The following SNX29 variants were observed in gnomAD, a reference collection of about 807,000 sequenced individuals.
SNX29 encodes sorting nexin-29.
A neutral mutation model predicts 102.1 loss-of-function variants in SNX29; 78 were observed. The observed-to-expected ratio is 0.76, with a 90% CI of 0.64 to 0.92. The LOEUF is 0.92. Among genes scored for constraint, SNX29 ranks in the 40% least tolerant of loss-of-function variants. SNX29 has a pLI of 0.00. For synonymous variants in SNX29, 580 were observed against 414.5 expected, an observed-to-expected ratio of 1.40 and a Z score of -4.85; for missense variants, 1,280 against 1,061.7, an observed-to-expected ratio of 1.21 and a Z score of -2.86.
chr16:12,549,437 G>A (rs2077821543), intron 20 of SNX29, among the ~76,000 whole-genome samples: 1 of 152,210 alleles, frequency 6.6e-6, no homozygotes, highest in African/African-American at 2.4e-5. Flanking sequence ...GGAGGTTGCA[G>A]TGACCTAAGA....
intron 11 of SNX29, among the ~76,000 whole-genome samples, chr16:12,118,313 C>CTTTCTTTT (rs1286174976): frequency 2.0e-4 from 17 of 86,124 alleles, no homozygotes; most frequent in Non-Finnish European, 2.4e-4. Context: ...TACAGACCAC[C>CTTTCTTTT]TTTTTTTTTT....
intron 19 of SNX29, among the ~76,000 whole-genome samples, chr16:12,522,197 C>G (rs1183643746): frequency 6.6e-6 from 1 of 152,170 alleles, no homozygotes; most frequent in African/African-American, 2.4e-5. Context: ...CTAAGTGTAT[C>G]GCAAATACTG....
chr16:12,465,632 G>A (rs1200866989), intron 18 of SNX29, among the ~76,000 whole-genome samples: 1 of 152,090 alleles, frequency 6.6e-6, no homozygotes, highest in East Asian at 1.9e-4. Context: ...TGAAATCAGG[G>A]ACTGTGATAC....
intron 15 of SNX29, among the ~76,000 whole-genome samples, chr16:12,325,893 G>T (rs566584792): frequency 8.5e-5 from 13 of 152,096 alleles, no homozygotes; most frequent in Admixed American, 4.6e-4. Flanking sequence ...GTTGGGTGTG[G>T]GGGCATGTAC....
At chr16:12,408,593 G>T (rs1211939322) in intron 18 of SNX29, among the ~76,000 whole-genome samples, 3 of 152,186 alleles carry the variant, frequency 2.0e-5, no homozygotes, top group Non-Finnish European at 2.9e-5. Context: ...AGCCAAGGCG[G>T]GTGGATCACC....
At chr16:12,426,404 C>G (rs910559610) in intron 18 of SNX29, among the ~76,000 whole-genome samples, 1 of 152,152 alleles carries the variant, frequency 6.6e-6, no homozygotes, top group South Asian at 2.1e-4. Flanking sequence ...TGACACGTCA[C>G]TCCCTCAAAA....
At chr16:12,282,301 C>G (rs1170479792) in intron 15 of SNX29, among the ~76,000 whole-genome samples, 2 of 152,122 alleles carry the variant, frequency 1.3e-5, no homozygotes, top group African/African-American at 4.8e-5. Context: ...GCAACTGCAG[C>G]AATATCAGCC....
chr16:12,066,648 C>T (rs1002255835), intron 9 of SNX29, among the ~76,000 whole-genome samples: 2 of 151,544 alleles, frequency 1.3e-5, no homozygotes, highest in African/African-American at 4.9e-5. Flanking sequence ...GATTCAGGGC[C>T]ACCTTCACTC....
At chr16:12,521,570 A>G (rs1489977793) in intron 19 of SNX29, among the ~76,000 whole-genome samples, 2 of 152,180 alleles carry the variant, frequency 1.3e-5, no homozygotes, top group African/African-American at 4.8e-5. Context: ...TTCCCTTCCA[A>G]AAAAAGAAAA....
intron 14 of SNX29, among the ~76,000 whole-genome samples, chr16:12,259,570 G>A (rs1165997033): frequency 2.0e-5 from 3 of 152,188 alleles, no homozygotes; most frequent in Non-Finnish European, 4.4e-5. Context: ...CCAGGGTCAC[G>A]TGTGGCTTTA....
chr16:12,368,446 T>A (rs1180563592), intron 16 of SNX29, among the ~76,000 whole-genome samples: 2 of 152,244 alleles, frequency 1.3e-5, no homozygotes, highest in African/African-American at 4.8e-5. Flanking sequence ...CTGGCTTACA[T>A]CGCCTGTCGG....
At chr16:12,267,938 C>G (rs189931099) in intron 14 of SNX29, among the ~76,000 whole-genome samples, 4 of 152,316 alleles carry the variant, frequency 2.6e-5, no homozygotes, top group African/African-American at 9.6e-5. Flanking sequence ...CAATGTCTCC[C>G]TCCTCCATTA....
intron 15 of SNX29, among the ~76,000 whole-genome samples, chr16:12,346,361 A>G (rs779140163): frequency 1.2e-4 from 19 of 152,280 alleles, no homozygotes; most frequent in Non-Finnish European, 2.2e-4. Context: ...CCCTAAGTAA[A>G]GCACCTCTTT....
At chr16:12,550,067 C>A (rs1321411376) in intron 20 of SNX29, among the ~76,000 whole-genome samples, 2 of 152,160 alleles carry the variant, frequency 1.3e-5, no homozygotes, top group African/African-American at 2.4e-5. Flanking sequence ...TTTAGTCTCA[C>A]CCTTTATAGG....
intron 20 of SNX29, among the ~76,000 whole-genome samples, chr16:12,530,735 T>C (rs893000617): frequency 6.6e-6 from 1 of 152,154 alleles, no homozygotes; most frequent in Non-Finnish European, 1.5e-5. Flanking sequence ...TTTGTATTTT[T>C]AGTAGAGACG....
At chr16:12,067,235 G>C (rs891619563) in intron 9 of SNX29, among the ~76,000 whole-genome samples, 1 of 152,070 alleles carries the variant, frequency 6.6e-6, no homozygotes, top group Non-Finnish European at 1.5e-5. Context: ...TTTGGAGTCA[G>C]TAAATAACTT....
At chr16:12,384,368 C>G (rs1315508525) in intron 16 of SNX29, among the ~76,000 whole-genome samples, 1 of 152,198 alleles carries the variant, frequency 6.6e-6, no homozygotes, top group Non-Finnish European at 1.5e-5. Flanking sequence ...TTCTCCATAT[C>G]CTCGCCAGCA....
At chr16:12,253,018 G>A (rs1031254999) in intron 14 of SNX29, among the ~76,000 whole-genome samples, 2 of 152,214 alleles carry the variant, frequency 1.3e-5, no homozygotes, top group African/African-American at 2.4e-5. Flanking sequence ...TCCAGACCCA[G>A]ATAGAGAAGC....
At chr16:12,032,639 A>G (rs1280443262) in intron 4 of SNX29, among the ~76,000 whole-genome samples, 2 of 152,106 alleles carry the variant, frequency 1.3e-5, no homozygotes, top group African/African-American at 4.8e-5. Flanking sequence ...GAATATGAAG[A>G]TACAAATACT....
Sources: gnomAD v4.1 joint callset for allele counts (sites outside exome capture counted in the v4.1 genomes callset) on GRCh38, gnomAD v4.1.1 for gene constraint, MANE v1.5 for transcripts, NCBI Gene and HGNC (gene_info 2026-07-23, HGNC 2026-07-21) for gene names.